WDFY3: variants seen among roughly 807,000 people sequenced by gnomAD.
WDFY3 encodes the protein WD repeat and FYVE domain containing 3.
Under a neutral mutation model 409.6 loss-of-function variants are expected in WDFY3, and 66 were observed. The ratio of observed to expected loss-of-function variants is 0.16; its 90% CI spans 0.13 to 0.20. The LOEUF is 0.20. WDFY3 is among the 10% of genes least tolerant of loss of function. The probability of loss-of-function intolerance (pLI) is 1.00; values close to 1 mark genes in which losing one functional copy is unlikely to be tolerated. For synonymous variants in WDFY3, 1,521 were observed against 1,537.1 expected, an observed-to-expected ratio of 0.99 and a Z score of 0.25; for missense variants, 3,031 against 4,298.1, an observed-to-expected ratio of 0.71 and a Z score of 8.24.
rs74732542 is a variant in WDFY3 at position 84,890,626 on chromosome 4, C to G, written c.-32+6285G>C. 5.4e-3 allele frequency among the ~76,000 whole-genome samples: 817 copies of G among 152,278 alleles called. 9 individuals carry two copies. The highest frequency in any genetic ancestry group is 0.018 in the African/African-American group (768 of 41,554). ...TTCTGCCTCTGAACTGTGTGTGGCA[C>G]TGAACTGTGTGTTCTAGAGCCGGGG... On this transcript the variant is annotated intron_variant, in intron 3 of 67. Coordinates refer to ENST00000295888, the MANE Select transcript of WDFY3 (RefSeq NM_014991.6).
intron 1 of WDFY3, among the ~76,000 whole-genome samples, chr4:84,951,546 A>G (rs1014666806): frequency 1.3e-5 from 2 of 152,248 alleles, no homozygotes; most frequent in Non-Finnish European, 2.9e-5. Flanking sequence ...TCTGCTACTT[A>G]GAAGTATGAT....
intron 55 of WDFY3, among the ~76,000 whole-genome samples, 191 bp downstream of exon 55, chr4:84,704,147 T>C (rs761472545): frequency 2.0e-5 from 3 of 152,202 alleles, no homozygotes; most frequent in Non-Finnish European, 4.4e-5. Flanking sequence ...CTGGCACTTA[T>C]TTGTTCTAAG....
intron 2 of WDFY3, among the ~76,000 whole-genome samples, chr4:84,923,131 C>T (rs1408671498): frequency 1.3e-5 from 2 of 152,048 alleles, no homozygotes; most frequent in African/African-American, 2.4e-5. Context: ...GCCATTCTGG[C>T]ATATTGACTA....
rs758368815 is a variant in WDFY3 at position 84,850,008 on chromosome 4, C to T, written c.198G>A (p.Pro66=). 9.4e-6 allele frequency: 15 copies of T among 1,594,428 alleles called. No individual in the cohort carries two copies. The highest frequency in any genetic ancestry group is 3.3e-4 in the Middle Eastern group (2 of 6,042). Residue 66 remains proline (P), a synonymous_variant, in exon 5 of 68, where the codon CCG becomes CCA. Coordinates refer to ENST00000295888, the MANE Select transcript of WDFY3 (RefSeq NM_014991.6). ...PVFNRVFGNA[P]PNTMTEKFSD... is the part of the protein sequence containing the mutation. ...AAAATTTTTCTGTCATTGTATTCGG[C>T]GGAGCATTTCCAAAAACCTGTAGAT...
intron 3 of WDFY3, among the ~76,000 whole-genome samples, chr4:84,890,239 ACAGGTACAC>A (rs1397529420): frequency 6.6e-6 from 1 of 152,072 alleles, no homozygotes; most frequent in Non-Finnish European, 1.5e-5. Flanking sequence ...AGCTGGTACT[ACAGGTACAC>A]ATCAACATGC....
In WDFY3 at chr4:84,787,610, A is replaced by C; in HGVS notation, c.3773T>G (p.Ile1258Ser). 6.2e-7 allele frequency: 1 copy of C among 1,614,176 alleles called. No homozygotes were observed. Among genetic ancestry groups the C allele is most frequent in the Non-Finnish European group, 8.5e-7 (1 of 1,180,034 alleles). ...TCCCAGGCGCCAAACCAATGAGGCA[A>C]TTTGGCGTTGGGCAGGTGGAGTACC... is the stretch of plus-strand genomic sequence containing the variant. ...YIGTPPAQRQ[I>S]ASLVWRLGPT... The change falls in exon 23 of 68, where the codon ATT becomes AGT. Residue 1258 changes from isoleucine to serine, a missense_variant. Around this residue, in one of 16 missense-constraint regions of WDFY3, gnomAD observed 1,322 missense variants for 1,697.9 expected, o/e 0.78. Transcript: ENST00000295888.
intron 12 of WDFY3, 138 bp from the exon 13 acceptor site, chr4:84,817,723 C>T: frequency 4.8e-6 from 4 of 826,372 alleles, no homozygotes; most frequent in South Asian, 1.9e-5. Context: ...ACTATTTCAC[C>T]TTTTAAATTA....
intron 4 of WDFY3, among the ~76,000 whole-genome samples, chr4:84,857,636 G>A (rs1048605998): frequency 1.3e-5 from 2 of 152,050 alleles, no homozygotes; most frequent in African/African-American, 4.8e-5. Flanking sequence ...CCTGAATAGG[G>A]CTTAAAACAA....
At chr4:84,830,913 G>A (rs1022570511) in intron 8 of WDFY3, among the ~76,000 whole-genome samples, 1 of 152,046 alleles carries the variant, frequency 6.6e-6, no homozygotes, top group Non-Finnish European at 1.5e-5. Flanking sequence ...TGTTGGCCAG[G>A]CGCAGTGGCT....
intron 44 of WDFY3, among the ~76,000 whole-genome samples, chr4:84,732,117 G>C (rs1413180554): frequency 1.3e-5 from 2 of 152,136 alleles, no homozygotes; most frequent in Non-Finnish European, 2.9e-5. Context: ...AAATTATAGT[G>C]CTTTAAGGCA....
intron 49 of WDFY3, among the ~76,000 whole-genome samples, chr4:84,716,612 C>G (rs1042905977): frequency 2.7e-5 from 4 of 150,070 alleles, no homozygotes; most frequent in Non-Finnish European, 5.9e-5. Context: ...CTGGCTGACA[C>G]AAGGAAACCC....
At chr4:84,776,790 C>T (rs1324285198) in intron 27 of WDFY3, among the ~76,000 whole-genome samples, 1 of 152,014 alleles carries the variant, frequency 6.6e-6, no homozygotes, top group Non-Finnish European at 1.5e-5. Context: ...ACTTTGAATA[C>T]TAGGCTGAGA....
chr4:84,824,001 T>C (rs560962460), intron 10 of WDFY3, among the ~76,000 whole-genome samples: 1 of 152,198 alleles, frequency 6.6e-6, no homozygotes. Flanking sequence ...TTATTCCTGA[T>C]AGTCAAATAA....
At chr4:84,878,719 T>C (rs1437550651) in intron 3 of WDFY3, among the ~76,000 whole-genome samples, 4 of 152,206 alleles carry the variant, frequency 2.6e-5, no homozygotes, top group African/African-American at 9.6e-5. Flanking sequence ...AAAATCCGTA[T>C]CATCATACAT....
In WDFY3 at chr4:84,850,928, G is replaced by GTTTTT. The variant is rs869074191; in HGVS notation, c.181-908_181-904dup. ...TTCTTATTTTTAATTTTATTTATCT[G>GTTTTT]TTTTTTTTTTTTTTTTTTTTTTTTT... On this transcript the variant is annotated intron_variant, in intron 4 of 67. Transcript: ENST00000295888. 5.0e-4 allele frequency among the ~76,000 whole-genome samples: 23 copies of GTTTTT among 46,240 alleles called. 1 individual carries two copies. The highest frequency in any genetic ancestry group is 8.8e-4 in the East Asian group (1 of 1,134). The allele number at this position is 46,240 out of a possible 152,430, so 30.3% of individuals were successfully genotyped here. A position where few individuals can be genotyped will look rare whatever the true frequency, so the allele number is the denominator to read the frequency against.
At position 84,669,749 on chromosome 4, in the gene WDFY3, T is replaced by C. The variant is rs762031927; in HGVS notation, c.*3119A>G. 1.4e-4 allele frequency: 21 copies of C among 149,462 alleles called. 1 individual carries two copies. Among genetic ancestry groups the C allele is most frequent in the African/African-American group, 3.7e-4 (15 of 40,352 alleles). 9.3% of individuals were successfully genotyped at this position (149,462 alleles called of 1,614,324 possible). ...TTACATAACCACCAAGAAACAGATA[T>C]TGGTTTCTGCAATATAGTATAAAAG... On this transcript the variant is annotated 3_prime_UTR_variant, in exon 68 of 68. Coordinates refer to ENST00000295888, the MANE Select transcript of WDFY3 (RefSeq NM_014991.6).
At chr4:84,716,572 G>A (rs564323963) in intron 49 of WDFY3, among the ~76,000 whole-genome samples, 7 of 151,804 alleles carry the variant, frequency 4.6e-5, no homozygotes, top group South Asian at 4.2e-4. Flanking sequence ...CAAGGCGGGC[G>A]GATCATGAGG....
intron 3 of WDFY3, among the ~76,000 whole-genome samples, chr4:84,892,345 T>A (rs945384806): frequency 6.6e-6 from 1 of 151,818 alleles, no homozygotes; most frequent in Non-Finnish European, 1.5e-5. Context: ...TGTGCGTGCA[T>A]GTGTGTAAGA....
At chr4:84,964,500 C>A (rs1390696781) in intron 1 of WDFY3, among the ~76,000 whole-genome samples, 5 of 152,130 alleles carry the variant, frequency 3.3e-5, no homozygotes, top group Admixed American at 3.3e-4. Context: ...AAATTAAGAA[C>A]AACTGATGTA....
Sources: gnomAD v4.1 joint callset for allele counts (sites outside exome capture counted in the v4.1 genomes callset) on GRCh38, gnomAD v4.1.1 for gene constraint, gnomAD v4.1.1 regional missense constraint, MANE v1.5 for transcripts, NCBI Gene and HGNC (gene_info 2026-07-23, HGNC 2026-07-21) for gene names.